Variants in TDRD9 observed in about 807,000 individuals in gnomAD.
TDRD9 encodes the protein ATP-dependent RNA helicase TDRD9.
TDRD9 carries 124 observed loss-of-function variants against 172.6 expected under a neutral mutation model. The ratio of observed to expected loss-of-function variants is 0.72; its 90% CI spans 0.62 to 0.83. TDRD9 has a LOEUF of 0.83. Among genes scored for constraint, TDRD9 ranks in the 40% least tolerant of loss-of-function variants. The pLI is 0.00. For synonymous variants in TDRD9, 619 were observed against 617.1 expected (o/e 1.00, Z -0.05); for missense variants, 1,479 against 1,714.1 (o/e 0.86, Z 2.42).
At chr14:104,043,831 AT>A (rs1566805454) in intron 34 of TDRD9, among the ~76,000 whole-genome samples, 1 of 152,208 alleles carries the variant, frequency 6.6e-6, no homozygotes, top group Non-Finnish European at 1.5e-5. Context: ...AAGTTTACTC[AT>A]AAGTATTGTC....
At chr14:104,005,446 G>A (rs762015246) in intron 15 of TDRD9, 41 bp downstream of exon 15, 7 of 1,607,780 alleles carry the variant, frequency 4.4e-6, no homozygotes, top group East Asian at 2.2e-5. Flanking sequence ...CATCTGTAGA[G>A]CTGTGTTCTA....
chr14:103,935,908 A>G (rs1391290406), intron 1 of TDRD9, among the ~76,000 whole-genome samples: 1 of 152,198 alleles, frequency 6.6e-6, no homozygotes, highest in African/African-American at 2.4e-5. Context: ...CTCTTGGTGC[A>G]GTACCTGACA....
At chr14:103,984,740 G>A (rs190445109) in intron 7 of TDRD9, among the ~76,000 whole-genome samples, 54 of 152,294 alleles carry the variant, frequency 3.5e-4, no homozygotes, top group African/African-American at 1.3e-3. Flanking sequence ...TGTGAGAAGA[G>A]GGCCATTGTC....
chr14:104,037,268 T>C (rs1006516645), intron 32 of TDRD9, among the ~76,000 whole-genome samples: 2 of 152,190 alleles, frequency 1.3e-5, no homozygotes, highest in African/African-American at 4.8e-5. Flanking sequence ...TGCGAGCCGC[T>C]GCCCCGCCAT....
chr14:104,003,421 G>A (rs909183363), intron 13 of TDRD9, among the ~76,000 whole-genome samples: 2 of 152,114 alleles, frequency 1.3e-5, no homozygotes, highest in African/African-American at 4.8e-5. Flanking sequence ...ACAAAACATT[G>A]GTTCACCCCT....
chr14:104,021,074 G>A (rs1386616773), intron 23 of TDRD9, among the ~76,000 whole-genome samples: 1 of 152,202 alleles, frequency 6.6e-6, no homozygotes, highest in Non-Finnish European at 1.5e-5. Flanking sequence ...TCATGGTTCT[G>A]CAGGCTGTAT....
At chr14:104,034,099 C>A in intron 31 of TDRD9, 30 bp downstream of exon 31, 1 of 1,411,604 alleles carries the variant, frequency 7.1e-7, no homozygotes, top group Non-Finnish European at 9.8e-7. Context: ...TATTCCTTGT[C>A]CTCTCTTTTT....
intron 14 of TDRD9, among the ~76,000 whole-genome samples, 200 bp downstream of exon 14, chr14:104,004,535 C>T (rs1316164025): frequency 6.6e-6 from 1 of 152,122 alleles, no homozygotes; most frequent in Non-Finnish European, 1.5e-5. Context: ...CACACCACCA[C>T]GCCCAGCTAA....
intron 32 of TDRD9, among the ~76,000 whole-genome samples, chr14:104,037,955 C>T (rs1458650675): frequency 2.0e-5 from 3 of 152,222 alleles, no homozygotes; most frequent in Non-Finnish European, 1.5e-5. Flanking sequence ...GAGCCCGCCT[C>T]CCTGGGTGAG....
intron 8 of TDRD9, among the ~76,000 whole-genome samples, chr14:103,988,325 C>T (rs998800136): frequency 1.4e-4 from 22 of 152,054 alleles, no homozygotes; most frequent in African/African-American, 3.9e-4. Context: ...AGGCATGTGT[C>T]GCCATGTCCA....
At chr14:103,983,973 A>G (rs930176293) in intron 7 of TDRD9, among the ~76,000 whole-genome samples, 3 of 152,198 alleles carry the variant, frequency 2.0e-5, no homozygotes, top group Non-Finnish European at 4.4e-5. Context: ...GACTCTTGTT[A>G]TGTTTTAGCA....
intron 20 of TDRD9, among the ~76,000 whole-genome samples, chr14:104,009,947 CTTTT>C (rs553694826): frequency 2.2e-5 from 3 of 135,230 alleles, no homozygotes; most frequent in African/African-American, 2.7e-5. Flanking sequence ...TTCTTTCTTT[CTTTT>C]TTTTTTTTTT....
At chr14:104,017,241 G>C (rs892691716) in intron 22 of TDRD9, among the ~76,000 whole-genome samples, 1 of 152,024 alleles carries the variant, frequency 6.6e-6, no homozygotes, top group Non-Finnish European at 1.5e-5. Context: ...ACCACAGAGA[G>C]CCTAGTCTGG....
chr14:103,971,014 A>T (rs939897200), intron 6 of TDRD9, among the ~76,000 whole-genome samples: 3 of 151,142 alleles, frequency 2.0e-5, no homozygotes, highest in East Asian at 1.9e-4. Flanking sequence ...GACGGAGTCT[A>T]GCTCTGTCGC....
intron 28 of TDRD9, 119 bp downstream of exon 28, chr14:104,027,058 G>C: frequency 8.7e-7 from 1 of 1,149,886 alleles, no homozygotes; most frequent in East Asian, 2.6e-5. Flanking sequence ...TCACCATTTG[G>C]TTTGCTGTAC....
chr14:104,015,473 G>T (rs1234698195), intron 21 of TDRD9, among the ~76,000 whole-genome samples: 2 of 152,352 alleles, frequency 1.3e-5, no homozygotes, highest in South Asian at 4.1e-4. Flanking sequence ...TTTGGTGGGT[G>T]TGTTTCAAAC....
intron 13 of TDRD9, among the ~76,000 whole-genome samples, chr14:104,002,260 T>C (rs1224427127): frequency 6.6e-6 from 1 of 150,438 alleles, no homozygotes; most frequent in Non-Finnish European, 1.5e-5. Flanking sequence ...GTCAATGCAG[T>C]TGAGCCATGA....
chr14:103,973,518 G>C (rs948568564), intron 6 of TDRD9, among the ~76,000 whole-genome samples: 1 of 152,170 alleles, frequency 6.6e-6, no homozygotes. Flanking sequence ...CAGTTGTCTT[G>C]GGTGTCTGCT....
At chr14:103,971,779 CAGA>C (rs2033044638) in intron 6 of TDRD9, among the ~76,000 whole-genome samples, 1 of 152,138 alleles carries the variant, frequency 6.6e-6, no homozygotes. Flanking sequence ...CTCCAGGCTG[CAGA>C]AAATGGTCTA....
Sources: allele counts gnomAD v4.1 joint callset (sites outside exome capture counted in the v4.1 genomes callset), GRCh38; gene constraint gnomAD v4.1.1; transcripts MANE v1.5; gene names NCBI Gene and HGNC (gene_info 2026-07-23, HGNC 2026-07-21).